SLC25A12: variants seen among roughly 807,000 people sequenced by gnomAD.
The protein encoded by SLC25A12 is electrogenic aspartate/glutamate antiporter SLC25A12, mitochondrial.
A neutral mutation model predicts 83.3 loss-of-function variants in SLC25A12; 32 were observed. The observed-to-expected ratio is 0.38, with a 90% confidence interval of 0.29 to 0.52. SLC25A12 has a LOEUF of 0.52. Ranked by LOEUF, SLC25A12 falls within the 20% of genes least tolerant of loss-of-function variation. The pLI is 0.84. For missense variants in SLC25A12, 611 were observed against 835.6 expected (o/e 0.73, Z 3.31); for synonymous variants, 267 against 291.1 (o/e 0.92, Z 0.84).
chr2:171,805,281 T>C (rs1238932792), intron 13 of SLC25A12, among the ~76,000 whole-genome samples: 3 of 152,042 alleles, frequency 2.0e-5, no homozygotes, highest in Non-Finnish European at 4.4e-5. Flanking sequence ...GCTAATTTTT[T>C]TGTATTTTCA....
chr2:171,838,922 A>C (rs1282564624), intron 5 of SLC25A12, among the ~76,000 whole-genome samples: 1 of 152,212 alleles, frequency 6.6e-6, no homozygotes, highest in African/African-American at 2.4e-5. Flanking sequence ...TTTTGAGTAT[A>C]TTTGAAGTCT....
Position 171,799,369 on chromosome 2 carries a change from A to C in SLC25A12, c.1306-5602T>G, listed in dbSNP as rs368244479. Reference sequence around the variant, plus strand: ...GTGTTCACATAAGTATGTAGGCATAAAGTTGGACTACACTAATTCCTGGGG... The same window carrying C: ...GTGTTCACATAAGTATGTAGGCATACAGTTGGACTACACTAATTCCTGGGG... On this transcript the variant is annotated intron_variant, in intron 13 of 17. Coordinates refer to ENST00000422440, the MANE Select transcript of SLC25A12 (RefSeq NM_003705.5). Among the ~76,000 whole-genome samples, 10 of 152,184 alleles carry C rather than the reference A, an allele frequency of 6.6e-5. No individual in the cohort carries two copies. In the East Asian group the frequency reaches 9.6e-4, roughly 15 times the overall value.
chr2:171,796,222 C>T (rs1181434402), intron 13 of SLC25A12, among the ~76,000 whole-genome samples: 6 of 152,246 alleles, frequency 3.9e-5, no homozygotes, highest in Non-Finnish European at 8.8e-5. Context: ...GCTAAGATTA[C>T]AGGCGTGAGC....
At chr2:171,891,534 T>A (rs1685939087) in intron 2 of SLC25A12, among the ~76,000 whole-genome samples, 1 of 152,108 alleles carries the variant, frequency 6.6e-6, no homozygotes, top group African/African-American at 2.4e-5. Context: ...AGCCTAAGGG[T>A]ACAAGAACCA....
chr2:171,803,935 C>A (rs1683768547), intron 13 of SLC25A12, among the ~76,000 whole-genome samples: 1 of 152,080 alleles, frequency 6.6e-6, no homozygotes, highest in African/African-American at 2.4e-5. Context: ...GTCTGGCAGT[C>A]CTGAAAATGC....
At chr2:171,830,436 ATACT>A (rs1684406621) in intron 8 of SLC25A12, among the ~76,000 whole-genome samples, 1 of 152,150 alleles carries the variant, frequency 6.6e-6, no homozygotes, top group Admixed American at 6.5e-5. Context: ...GTTTCTCAAT[ATACT>A]CTCTCAATGT....
intron 5 of SLC25A12, among the ~76,000 whole-genome samples, chr2:171,840,981 AAT>A (rs1418936803): frequency 1.3e-5 from 2 of 152,368 alleles, no homozygotes; most frequent in East Asian, 3.9e-4. Flanking sequence ...ACAAAAGAGC[AAT>A]GCTTTCAAAA....
chr2:171,869,599 T>C (rs1207611016), intron 2 of SLC25A12, among the ~76,000 whole-genome samples: 1 of 152,174 alleles, frequency 6.6e-6, no homozygotes, highest in Non-Finnish European at 1.5e-5. Flanking sequence ...CAGTAATTTT[T>C]TACATCAATA....
At chr2:171,802,895 G>A (rs1683738768) in intron 13 of SLC25A12, among the ~76,000 whole-genome samples, 1 of 152,180 alleles carries the variant, frequency 6.6e-6, no homozygotes, top group Admixed American at 6.5e-5. Context: ...CTTTCCTGTA[G>A]TAAGTGAGAG....
At chr2:171,837,026 G>T (rs1684574937) in intron 6 of SLC25A12, 95 bp downstream of exon 6, 14 of 1,184,504 alleles carry the variant, frequency 1.2e-5, no homozygotes, top group Non-Finnish European at 1.6e-5. Context: ...AATTTGAATA[G>T]TTGAGAGTCA....
At chr2:171,808,063 A>G (rs1192565933) in intron 13 of SLC25A12, among the ~76,000 whole-genome samples, 1 of 152,274 alleles carries the variant, frequency 6.6e-6, no homozygotes, top group Non-Finnish European at 1.5e-5. Flanking sequence ...CAAGACTGTC[A>G]GCCAATTCAA....
chr2:171,885,048 C>T (rs1685786869), intron 2 of SLC25A12, among the ~76,000 whole-genome samples: 1 of 151,624 alleles, frequency 6.6e-6, no homozygotes, highest in Non-Finnish European at 1.5e-5. Context: ...CCTGTCTCTA[C>T]TAAAAATACA....
chr2:171,820,304 G>C (rs1185180347), intron 9 of SLC25A12, among the ~76,000 whole-genome samples: 4 of 151,998 alleles, frequency 2.6e-5, no homozygotes, highest in African/African-American at 9.7e-5. Flanking sequence ...TTTTTAGTGA[G>C]TGGCCTATAG....
At chr2:171,794,948 T>C (rs1449994301) in intron 13 of SLC25A12, among the ~76,000 whole-genome samples, 3 of 152,136 alleles carry the variant, frequency 2.0e-5, no homozygotes, top group African/African-American at 7.2e-5. Flanking sequence ...CCTGCTCACT[T>C]ATCTAAAACC....
At position 171,872,832 on chromosome 2, in the gene SLC25A12, G is replaced by A. The variant is rs141496726; in HGVS notation, c.67-4009C>T. ...CAAAACAAAAACACAAAAATCTAAT[G>A]TGAACAAAGTTGAAACAAAAAATAC... On this transcript the variant is annotated intron_variant, in intron 2 of 17. Transcript: ENST00000422440. Among the ~76,000 whole-genome samples the A allele has an allele frequency of 4.6e-5, 7 of 152,170 alleles. No homozygotes were observed. The East Asian group carries it at 1.4e-3, about 29-fold the overall frequency.
intron 3 of SLC25A12, among the ~76,000 whole-genome samples, chr2:171,866,247 C>T (rs1354201458): frequency 3.9e-3 from 434 of 111,792 alleles, no homozygotes; most frequent in South Asian, 5.3e-3. Context: ...TACACAGACA[C>T]GGCAACCATC....
At position 171,810,236 on chromosome 2, in the gene SLC25A12, G is replaced by A; in HGVS notation, c.1212C>T (p.Ala404=). 1 of 1,613,168 alleles carries A rather than the reference G, an allele frequency of 6.2e-7. No individual in the cohort carries two copies. The highest frequency in any genetic ancestry group is 8.5e-7 in the Non-Finnish European group (1 of 1,179,246). The change falls in exon 12 of 18, where the codon GCC becomes GCT. Residue 404 remains alanine (A), a synonymous_variant. Transcript: ENST00000422440. ...PQLIGVAPEK[A]IKLTVNDFVR... ...GAGATAAACTTACAGTCAGTTTAATGGCCTTTTCTGGAGCAACCCCTATAA... is the reference window on the plus strand; with the variant it reads ...GAGATAAACTTACAGTCAGTTTAATAGCCTTTTCTGGAGCAACCCCTATAA...
chr2:171,861,442 C>T (rs1311764253), intron 3 of SLC25A12, among the ~76,000 whole-genome samples: 1 of 152,176 alleles, frequency 6.6e-6, no homozygotes, highest in Non-Finnish European at 1.5e-5. Context: ...AGGTCTCAAT[C>T]TGTCTCCCAG....
chr2:171,829,610 G>T (rs1473302298), intron 8 of SLC25A12, among the ~76,000 whole-genome samples: 1 of 152,160 alleles, frequency 6.6e-6, no homozygotes, highest in South Asian at 2.1e-4. Flanking sequence ...CGAGGGGCTG[G>T]TCTGAGTGTA....
Sources: allele counts gnomAD v4.1 joint callset (sites outside exome capture counted in the v4.1 genomes callset), GRCh38; gene constraint gnomAD v4.1.1; transcripts MANE v1.5; gene names NCBI Gene and HGNC (gene_info 2026-07-23, HGNC 2026-07-21).